The following SAG variants were observed in gnomAD, a reference collection of about 807,000 sequenced individuals.
SAG encodes the protein S-arrestin.
SAG carries 45 observed loss-of-function variants against 55.0 expected under a neutral mutation model. The ratio of observed to expected loss-of-function variants is 0.82; its 90% confidence interval spans 0.64 to 1.05. The LOEUF (loss-of-function observed/expected upper bound fraction) is 1.05. Ranked by LOEUF, SAG falls within the 50% of genes least tolerant of loss-of-function variation. The pLI is 0.00. For missense variants in SAG, 455 were observed against 512.1 expected, an observed-to-expected ratio of 0.89 and a Z score of 1.08; for synonymous variants, 189 against 197.4, an observed-to-expected ratio of 0.96 and a Z score of 0.36.
At chr2:233,311,260 C>T (rs1301481635) in intron 2 of SAG, among the ~76,000 whole-genome samples, 1 of 152,158 alleles carries the variant, frequency 6.6e-6, no homozygotes, top group Non-Finnish European at 1.5e-5. Context: ...TCTTCTTTGA[C>T]CTTCATCCTC....
chr2:233,333,626 CA>C (rs996891099), intron 10 of SAG: 20 of 152,330 alleles, frequency 1.3e-4, no homozygotes, highest in African/African-American at 4.1e-4. Flanking sequence ...CCCCACCATC[CA>C]AACCCACATC....
chr2:233,343,901 T>C (rs1361296971), intron 14 of SAG: 4 of 316,840 alleles, frequency 1.3e-5, no homozygotes, highest in African/African-American at 2.3e-5. Context: ...TTAGGTTTTG[T>C]CTCAACAGTA....
rs145199285 is a variant in SAG, at chr2:233,320,775, G to T, written c.327G>T (p.Glu109Asp). The change falls in exon 5 of 16, where the codon GAG becomes GAT. Residue 109 changes from glutamate (E) to aspartate (D), a missense_variant. By Grantham distance (45) the Glu-to-Asp change is conservative (BLOSUM62 2). Transcript: ENST00000409110. Reference sequence around the variant, plus strand: ...CGAGCACCCCCACAAAACTGCAAGAGAGCCTGCTTAAAAAGCTGGGGAGCA... The same window carrying T: ...CGAGCACCCCCACAAAACTGCAAGATAGCCTGCTTAAAAAGCTGGGGAGCA... Reference protein sequence around the residue: ...GAASTPTKLQESLLKKLGSNT... With the variant: ...GAASTPTKLQDSLLKKLGSNT... 6.2e-7 allele frequency: 1 copy of T among 1,606,482 alleles called. No homozygotes were observed. Among genetic ancestry groups the T allele is most frequent in the African/African-American group, 1.3e-5 (1 of 74,858 alleles).
At chr2:233,316,702 C>T (rs1700225240) in intron 3 of SAG, among the ~76,000 whole-genome samples, 1 of 152,070 alleles carries the variant, frequency 6.6e-6, no homozygotes, top group Admixed American at 6.6e-5. Context: ...AAAGCAAGAT[C>T]CTATGAGAAA....
chr2:233,311,048 C>T (rs1323789616), intron 2 of SAG, among the ~76,000 whole-genome samples: 1 of 152,112 alleles, frequency 6.6e-6, no homozygotes, highest in Non-Finnish European at 1.5e-5. Context: ...GTGTTGGTTT[C>T]CCACGTTGTT....
chr2:233,328,384 G>C, intron 7 of SAG, 94 bp from the exon 8 acceptor site: 1 of 1,452,272 alleles, frequency 6.9e-7, no homozygotes, highest in South Asian at 1.3e-5. Flanking sequence ...GAGCATTCCT[G>C]GAGAATCTCC....
chr2:233,314,398 G>A (rs1244793752), intron 2 of SAG, among the ~76,000 whole-genome samples: 8 of 152,054 alleles, frequency 5.3e-5, no homozygotes, highest in Admixed American at 2.0e-4. Flanking sequence ...TGTGCCAGCC[G>A]CAGGCCCAGC....
intron 8 of SAG, 45 bp from the exon 9 acceptor site, chr2:233,329,448 G>A (rs199521013): frequency 2.5e-5 from 29 of 1,181,570 alleles, no homozygotes; most frequent in South Asian, 6.2e-5. Context: ...TAAAGACACC[G>A]CCACATCTGT....
At position 233,329,543 on chromosome 2, in the gene SAG, C is replaced by T. The variant is rs771511878; in HGVS notation, c.699C>T (p.Asn233=). Residue 233 remains asparagine (N), a synonymous_variant, in exon 9 of 16, where the codon AAC becomes AAT. Transcript: ENST00000409110. ...CTGTGACCGTGACTGTCACCAATAA[C>T]ACAGAGAAGACCGTGAAGAAGATTA... The part of the protein sequence containing the change: ...PIPVTVTVTN[N]TEKTVKKIKA... The T allele has an allele frequency of 6.2e-7, 1 of 1,613,330 alleles. No homozygotes were observed. The highest frequency in any genetic ancestry group is 1.1e-5 in the South Asian group (1 of 91,050).
In SAG at chr2:233,328,501, G is replaced by A. The variant is rs201978529; in HGVS notation, c.536G>A (p.Arg179His). 15 of 1,613,672 alleles carry A rather than the reference G, an allele frequency of 9.3e-6. No individual in the cohort carries two copies. Among genetic ancestry groups the A allele is most frequent in the South Asian group, 3.3e-5 (3 of 91,066 alleles). ...PKKSSVRLLI[R>H]KVQHAPLEMG... Reference sequence around the variant, plus strand: ...AGGAGCTCCGTGCGATTACTGATCCGCAAAGTACAGCATGCCCCACTTGAG... The same window carrying A: ...AGGAGCTCCGTGCGATTACTGATCCACAAAGTACAGCATGCCCCACTTGAG... The change falls in exon 8 of 16, where the codon CGC becomes CAC. Residue 179 changes from arginine (R) to histidine (H), a missense_variant. Transcript: ENST00000409110.
chr2:233,326,734 G>A (rs1700570771), intron 6 of SAG, among the ~76,000 whole-genome samples: 1 of 152,200 alleles, frequency 6.6e-6, no homozygotes, highest in Non-Finnish European at 1.5e-5. Context: ...GGCCCTGTGA[G>A]TGCCTGTACC....
intron 2 of SAG, among the ~76,000 whole-genome samples, chr2:233,310,204 A>G (rs1700041700): frequency 6.6e-6 from 1 of 152,236 alleles, no homozygotes; most frequent in South Asian, 2.1e-4. Context: ...TTGTGGGCCA[A>G]AAATCTAGCT....
chr2:233,335,907 G>A (rs912213103), intron 11 of SAG, among the ~76,000 whole-genome samples: 2 of 152,244 alleles, frequency 1.3e-5, no homozygotes, highest in South Asian at 4.1e-4. Flanking sequence ...CCTCCGAGGT[G>A]ATGCCAATGG....
intron 3 of SAG, among the ~76,000 whole-genome samples, chr2:233,318,338 T>TG (rs918519119): frequency 3.3e-5 from 5 of 151,962 alleles, no homozygotes; most frequent in African/African-American, 1.2e-4. Context: ...CTAATTTTTT[T>TG]TTTTTGTTTT....
chr2:233,331,845 C>G (rs1019095416), intron 10 of SAG, 133 bp downstream of exon 10: 1 of 706,852 alleles, frequency 1.4e-6, no homozygotes, highest in African/African-American at 1.8e-5. Flanking sequence ...CCTCTTTCTC[C>G]CTTCGAGGGC....
chr2:233,309,069 G>A lies in SAG; in HGVS notation c.-28-93G>A, dbSNP rs563108416. ...GCATGGTGAGGACGCACAGGATCTC[G>A]TGAGTAGGTTTCATAACTAGGATGT... On this transcript the variant is annotated intron_variant, in intron 1 of 15. Transcript: ENST00000409110. 9.7e-5 allele frequency: 68 copies of A among 701,414 alleles called. No individual in the cohort carries two copies. In the East Asian group the frequency reaches 1.2e-3, roughly 12 times the overall value. The allele number at this position is 701,414 out of a possible 1,614,324, so 43.4% of individuals were successfully genotyped here. A position where few individuals can be genotyped will look rare whatever the true frequency, so the allele number is the denominator to read the frequency against.
Position 233,335,951 on chromosome 2 carries a change from G to C in SAG, c.944+852G>C, listed in dbSNP as rs536169153. Among the ~76,000 whole-genome samples, 8 of 152,328 alleles carry C rather than the reference G, an allele frequency of 5.3e-5. No individual in the cohort carries two copies. In the South Asian group the frequency reaches 1.4e-3, roughly 28 times the overall value. On this transcript the variant is annotated intron_variant, in intron 11 of 15. Coordinates refer to ENST00000409110, the MANE Select transcript of SAG (RefSeq NM_000541.5). ...CTGGATTGTTTGACCCCATGACTCC[G>C]ATGCTCAGTAGCTCACACTCTCTGA...
chr2:233,329,943 A>G (rs1559445938), intron 9 of SAG, among the ~76,000 whole-genome samples: 3 of 152,184 alleles, frequency 2.0e-5, no homozygotes, highest in Admixed American at 2.0e-4. Context: ...CCCAGCTGGC[A>G]TCCACAGCAG....
intron 9 of SAG, 49 bp from the exon 10 acceptor site, chr2:233,331,591 G>C: frequency 8.2e-7 from 1 of 1,213,212 alleles, no homozygotes; most frequent in Non-Finnish European, 1.2e-6. Context: ...GAAAGTGCAC[G>C]TGTTGGGGGA....
Sources: allele counts gnomAD v4.1 joint callset (sites outside exome capture counted in the v4.1 genomes callset), GRCh38; gene constraint gnomAD v4.1.1; transcripts MANE v1.5; gene names NCBI Gene and HGNC (gene_info 2026-07-23, HGNC 2026-07-21).